Variants in NAV3 observed in about 807,000 individuals in gnomAD.
NAV3 encodes the protein neuron navigator 3, also known as pore membrane and/or filament interacting like protein 1.
A neutral mutation model predicts 244.7 loss-of-function variants in NAV3; 87 were observed. The ratio of observed to expected loss-of-function variants is 0.36; its 90% confidence interval spans 0.30 to 0.42. NAV3 has a LOEUF of 0.42. Among genes scored for constraint, NAV3 ranks in the 20% least tolerant of loss-of-function variants. The pLI, the probability that NAV3 is intolerant of heterozygous loss-of-function variation, is 1.00. For synonymous variants in NAV3, 1,126 were observed against 1,042.2 expected, an observed-to-expected ratio of 1.08 and a Z score of -1.55; for missense variants, 2,663 against 2,893.3, an observed-to-expected ratio of 0.92 and a Z score of 1.83.
chr12:77,906,265 G>A (rs1261564737), intron 1 of NAV3, among the ~76,000 whole-genome samples: 1 of 152,056 alleles, frequency 6.6e-6, no homozygotes, highest in East Asian at 1.9e-4. Context: ...CAGAGAGACA[G>A]AGAGACAAAG....
At chr12:78,113,620 A>G (rs1284865888) in intron 12 of NAV3, among the ~76,000 whole-genome samples, 2 of 152,182 alleles carry the variant, frequency 1.3e-5, no homozygotes, top group Admixed American at 6.5e-5. Flanking sequence ...CCTATGGTGC[A>G]TACAGCAGGG....
chr12:78,035,464 G>T (rs1454342008), intron 9 of NAV3, among the ~76,000 whole-genome samples: 2 of 152,136 alleles, frequency 1.3e-5, no homozygotes, highest in African/African-American at 4.8e-5. Flanking sequence ...GTGGTATAGT[G>T]TACGTACCAG....
chr12:78,146,404 A>G lies in NAV3; in HGVS notation c.4707+12A>G. On this transcript the variant is annotated intron_variant, in intron 21 of 39. Coordinates refer to ENST00000397909, the MANE Select transcript of NAV3 (RefSeq NM_001024383.2). Reference sequence around the variant, plus strand: ...AGGCTCATTCAGAGGTAAAAAAAAAATATGCAATATTTTAATATTTTCTAT... The same window carrying G: ...AGGCTCATTCAGAGGTAAAAAAAAAGTATGCAATATTTTAATATTTTCTAT... 1 of 837,402 alleles carries G rather than the reference A, an allele frequency of 1.2e-6. No homozygotes were observed. 51.9% of individuals were successfully genotyped at this position (837,402 alleles called of 1,614,324 possible). A position where few individuals can be genotyped will look rare whatever the true frequency, so the allele number is the denominator to read the frequency against.
intron 30 of NAV3, among the ~76,000 whole-genome samples, chr12:78,184,027 C>T (rs1958607647): frequency 6.6e-6 from 1 of 151,796 alleles, no homozygotes; most frequent in Non-Finnish European, 1.5e-5. Context: ...CTCCAAATAC[C>T]ACTTCTTCAA....
chr12:78,082,114 C>T (rs961551546), intron 12 of NAV3, among the ~76,000 whole-genome samples: 2 of 152,128 alleles, frequency 1.3e-5, no homozygotes, highest in Non-Finnish European at 2.9e-5. Flanking sequence ...AGGGGAGTTC[C>T]CCTACAAAAG....
chr12:78,191,344 C>A (rs145855652), intron 34 of NAV3, among the ~76,000 whole-genome samples: 1 of 151,986 alleles, frequency 6.6e-6, no homozygotes, highest in East Asian at 1.9e-4. Context: ...GTAGCAAGCA[C>A]GATATAAGAG....
intron 1 of NAV3, among the ~76,000 whole-genome samples, chr12:77,855,899 G>A (rs1466054511): frequency 2.0e-5 from 3 of 152,182 alleles, no homozygotes; most frequent in African/African-American, 7.2e-5. Flanking sequence ...AGTATCATGA[G>A]CTAAAAAGTC....
intron 2 of NAV3, among the ~76,000 whole-genome samples, chr12:77,767,548 C>T (rs570470590): frequency 3.3e-5 from 5 of 152,266 alleles, no homozygotes; most frequent in East Asian, 3.9e-4. Context: ...GTGTGGGGTC[C>T]GGCCACTGCA....
At chr12:77,629,521 T>C (rs1008983783) in intron 2 of NAV3, among the ~76,000 whole-genome samples, 12 of 152,182 alleles carry the variant, frequency 7.9e-5, no homozygotes, top group East Asian at 3.8e-4. Context: ...AAGTTTTGGG[T>C]AATATAGCTC....
At chr12:77,799,383 G>A (rs972064847) in intron 2 of NAV3, among the ~76,000 whole-genome samples, 4 of 152,130 alleles carry the variant, frequency 2.6e-5, no homozygotes, top group African/African-American at 9.7e-5. Flanking sequence ...GGCATATAAT[G>A]GTACCTGATT....
intron 22 of NAV3, among the ~76,000 whole-genome samples, chr12:78,158,149 T>C (rs568722607): frequency 6.6e-6 from 1 of 152,310 alleles, no homozygotes; most frequent in East Asian, 1.9e-4. Flanking sequence ...ATATTTTATT[T>C]AAGTCATCTT....
In NAV3 at chr12:78,146,366, C is replaced by A; in HGVS notation, c.4684-3C>A. ...TAAAGTCTTTCTTTTTATTGTTTTACAGGCTGAAGAAAAGGCTCATTCAGA... is the reference window on the plus strand; with the variant it reads ...TAAAGTCTTTCTTTTTATTGTTTTAAAGGCTGAAGAAAAGGCTCATTCAGA... On this transcript the variant is annotated splice_region_variant and splice_polypyrimidine_tract_variant and intron_variant, in intron 20 of 39. Transcript: ENST00000397909. 9.1e-7 allele frequency: 1 copy of A among 1,093,910 alleles called. No homozygotes were observed. The allele number at this position is 1,093,910 out of a possible 1,614,324, so 67.8% of individuals were successfully genotyped here.
intron 29 of NAV3, among the ~76,000 whole-genome samples, chr12:78,180,108 C>A (rs778769237): frequency 2.6e-5 from 4 of 152,124 alleles, no homozygotes; most frequent in Non-Finnish European, 5.9e-5. Context: ...AAATTCAACA[C>A]AAGCTTTCTG....
intron 2 of NAV3, among the ~76,000 whole-genome samples, chr12:77,676,764 C>T (rs996998111): frequency 1.3e-5 from 2 of 151,854 alleles, no homozygotes; most frequent in African/African-American, 2.4e-5. Flanking sequence ...TTTTGAAAAG[C>T]ACAGTTTAAA....
intron 9 of NAV3, among the ~76,000 whole-genome samples, chr12:78,022,159 A>T (rs1377189319): frequency 6.6e-6 from 1 of 152,200 alleles, no homozygotes; most frequent in Non-Finnish European, 1.5e-5. Context: ...TTGAAAATAA[A>T]CTAATGATTG....
At chr12:77,966,783 G>A (rs146121355) in intron 4 of NAV3, among the ~76,000 whole-genome samples, 16 of 152,054 alleles carry the variant, frequency 1.1e-4, no homozygotes, top group South Asian at 2.1e-4. Flanking sequence ...AACTAACAGC[G>A]TTAATCACTG....
intron 23 of NAV3, among the ~76,000 whole-genome samples, chr12:78,167,809 C>T (rs1957840730): frequency 6.6e-6 from 1 of 151,110 alleles, no homozygotes; most frequent in Non-Finnish European, 1.5e-5. Flanking sequence ...AAGAAGATAC[C>T]CCTTGTCACT....
At chr12:78,094,121 T>G (rs1247905319) in intron 12 of NAV3, among the ~76,000 whole-genome samples, 1 of 152,246 alleles carries the variant, frequency 6.6e-6, no homozygotes, top group Non-Finnish European at 1.5e-5. Flanking sequence ...ATTACAGGCA[T>G]GCACCACCAT....
chr12:78,008,904 C>T (rs1032423013), intron 8 of NAV3, among the ~76,000 whole-genome samples: 3 of 152,048 alleles, frequency 2.0e-5, no homozygotes, highest in African/African-American at 4.8e-5. Context: ...TCATGATCCA[C>T]ATTTCAAAAA....
Sources: allele counts gnomAD v4.1 joint callset (sites outside exome capture counted in the v4.1 genomes callset), GRCh38; gene constraint gnomAD v4.1.1; transcripts MANE v1.5; gene names NCBI Gene and HGNC (gene_info 2026-07-23, HGNC 2026-07-21).